SRD5A2: variants seen among roughly 807,000 people sequenced by gnomAD.
SRD5A2 encodes the protein 3-oxo-5-alpha-steroid 4-dehydrogenase 2.
In SRD5A2, 30 loss-of-function variants were observed where a neutral mutation model predicts 27.4. The ratio of observed to expected loss-of-function variants is 1.10; its 90% CI spans 0.82 to 1.49. SRD5A2 has a LOEUF of 1.49. Among genes scored for constraint, SRD5A2 ranks in the 40% most tolerant of loss-of-function variants. The pLI is 0.00. For synonymous variants in SRD5A2, 141 were observed against 133.6 expected, an observed-to-expected ratio of 1.06 and a Z score of -0.38; for missense variants, 348 against 323.4, an observed-to-expected ratio of 1.08 and a Z score of -0.58.
At chr2:31,599,944 A>G in the SRD5A2 span, among the ~76,000 whole-genome samples, 181 of 53,144 alleles carry the variant, frequency 3.4e-3, 4 homozygotes, top group East Asian at 0.064. Context: ...TATTAAGCCT[A>G]CTACCCATTA....
upstream of SRD5A2, chr2:31,580,992 C>A (rs1243724918): frequency 5.0e-6 from 7 of 1,390,354 alleles, no homozygotes; most frequent in Non-Finnish European, 6.7e-6. Context: ...CCACCCGTGT[C>A]CGCCCCCTCG....
At chr2:31,608,100 G>T in the SRD5A2 span, among the ~76,000 whole-genome samples, 1 of 151,970 alleles carries the variant, frequency 6.6e-6, no homozygotes, top group Non-Finnish European at 1.5e-5. Flanking sequence ...CCAGCCTATA[G>T]TATTCCATTA....
chr2:31,637,775 C>T, the SRD5A2 span, among the ~76,000 whole-genome samples: 1 of 152,026 alleles, frequency 6.6e-6, no homozygotes, highest in Admixed American at 6.6e-5. Context: ...TGGGGTTTGA[C>T]TGCATCAGTT....
chr2:31,599,828 G>C, the SRD5A2 span, among the ~76,000 whole-genome samples: 4 of 151,586 alleles, frequency 2.6e-5, no homozygotes, highest in Admixed American at 2.6e-4. Flanking sequence ...CAATGTAAAA[G>C]ATTTTTTTCT....
Position 31,542,739 on chromosome 2 carries a change from G to A in SRD5A2, c.282-8973C>T, listed in dbSNP as rs72866095. Reference sequence around the variant, plus strand: ...AAGATAAGGCAATGGAAATCATCAAGTCTGAGGAACAAAAAGAAAACAAAA... The same window carrying A: ...AAGATAAGGCAATGGAAATCATCAAATCTGAGGAACAAAAAGAAAACAAAA... On this transcript the variant is annotated intron_variant, in intron 1 of 4. Coordinates refer to ENST00000622030, the MANE Select transcript of SRD5A2 (RefSeq NM_000348.4). 8.1e-3 allele frequency among the ~76,000 whole-genome samples: 1,240 copies of A among 152,158 alleles called. 12 individuals carry two copies. The highest frequency in any genetic ancestry group is 0.011 in the Non-Finnish European group (768 of 68,004).
the SRD5A2 span, among the ~76,000 whole-genome samples, chr2:31,633,243 C>T: frequency 6.6e-6 from 1 of 152,148 alleles, no homozygotes; most frequent in Non-Finnish European, 1.5e-5. Context: ...GGATGGCTAG[C>T]CACTGAAGAA....
intron 1 of SRD5A2, among the ~76,000 whole-genome samples, chr2:31,539,368 A>G (rs753829395): frequency 2.6e-5 from 4 of 152,238 alleles, no homozygotes; most frequent in Admixed American, 6.5e-5. Flanking sequence ...AAAAACCAGA[A>G]AGACAAAAAC....
At chr2:31,566,616 C>A (rs1330121468) in intron 1 of SRD5A2, among the ~76,000 whole-genome samples, 1 of 152,162 alleles carries the variant, frequency 6.6e-6, no homozygotes, top group African/African-American at 2.4e-5. Flanking sequence ...GGATCATCAA[C>A]ATCTTGATAC....
chr2:31,632,765 C>T, the SRD5A2 span, among the ~76,000 whole-genome samples: 1 of 152,122 alleles, frequency 6.6e-6, no homozygotes, highest in East Asian at 1.9e-4. Flanking sequence ...TCTAATTATA[C>T]CTGAAAACCC....
At chr2:31,579,169 GTTC>G (rs1667018419) in intron 1 of SRD5A2, among the ~76,000 whole-genome samples, 1 of 152,170 alleles carries the variant, frequency 6.6e-6, no homozygotes, top group Admixed American at 6.5e-5. Flanking sequence ...ATACAGTTTA[GTTC>G]TTATTACTTG....
At chr2:31,532,843 C>A (rs2148066277) in intron 2 of SRD5A2, among the ~76,000 whole-genome samples, 1 of 152,140 alleles carries the variant, frequency 6.6e-6, no homozygotes, top group South Asian at 2.1e-4. Context: ...GCAGTGTCTT[C>A]AACCATTTTA....
At position 31,525,791 on chromosome 2, in the gene SRD5A2, C is replaced by T. The variant is rs187118139; in HGVS notation, c.*405G>A. ...TCTGTTACATGTATAAAATGCATAC[C>T]TTTAATAAGGTCTATAAGTACTGCC... is the stretch of plus-strand genomic sequence containing the variant. On this transcript the variant is annotated 3_prime_UTR_variant, in exon 5 of 5. Coordinates refer to ENST00000622030, the MANE Select transcript of SRD5A2 (RefSeq NM_000348.4). 8.6e-6 allele frequency: 2 copies of T among 233,656 alleles called. No homozygotes were observed. The highest frequency in any genetic ancestry group is 4.4e-5 in the African/African-American group (2 of 45,264). The allele number at this position is 233,656 out of a possible 1,614,324, so 14.5% of individuals were successfully genotyped here.
intron 1 of SRD5A2, among the ~76,000 whole-genome samples, chr2:31,568,079 G>C (rs1053097731): frequency 6.6e-6 from 1 of 152,204 alleles, no homozygotes; most frequent in Non-Finnish European, 1.5e-5. Flanking sequence ...TGTACCCCAA[G>C]TGGCTTCCAC....
the SRD5A2 span, among the ~76,000 whole-genome samples, chr2:31,594,666 C>CA: frequency 1.3e-4 from 20 of 151,974 alleles, no homozygotes; most frequent in East Asian, 3.9e-3. Flanking sequence ...AGAAAGTCAA[C>CA]AAAAAAACAG....
the SRD5A2 span, among the ~76,000 whole-genome samples, chr2:31,653,199 G>T: frequency 6.6e-6 from 1 of 152,006 alleles, no homozygotes; most frequent in African/African-American, 2.4e-5. Context: ...GTTTCCTCTT[G>T]TAAGACCAGA....
At chr2:31,561,231 A>G (rs1666616950) in intron 1 of SRD5A2, among the ~76,000 whole-genome samples, 1 of 152,158 alleles carries the variant, frequency 6.6e-6, no homozygotes, top group Non-Finnish European at 1.5e-5. Flanking sequence ...GGCCTCCAGT[A>G]TTTACAGTGT....
the SRD5A2 span, among the ~76,000 whole-genome samples, chr2:31,654,005 G>A: frequency 2.3e-4 from 35 of 151,580 alleles, no homozygotes; most frequent in South Asian, 7.3e-3. Flanking sequence ...TCAATCTCCA[G>A]AATATGTATA....
At position 31,525,936 on chromosome 2, in the gene SRD5A2, C is replaced by A; in HGVS notation, c.*260G>T. The stretch of plus-strand genomic sequence containing the variant: ...AGGAGAAGTTTGTACTTTCTCAGAG[C>A]AATAGCTAAGAAGCAACTGTCGCCA... On this transcript the variant is annotated 3_prime_UTR_variant, in exon 5 of 5. Transcript: ENST00000622030. 1 of 384,770 alleles carries A rather than the reference C, an allele frequency of 2.6e-6. No homozygotes were observed. The highest frequency in any genetic ancestry group is 4.7e-6 in the Non-Finnish European group (1 of 212,614). 23.8% of individuals were successfully genotyped at this position (384,770 alleles called of 1,614,324 possible). A position where few individuals can be genotyped will look rare whatever the true frequency, so the allele number is the denominator to read the frequency against.
At chr2:31,623,361 G>A in the SRD5A2 span, among the ~76,000 whole-genome samples, 1 of 152,138 alleles carries the variant, frequency 6.6e-6, no homozygotes, top group South Asian at 2.1e-4. Context: ...GCATTAAAAT[G>A]ATATATAACA....
Sources: allele counts gnomAD v4.1 joint callset (sites outside exome capture counted in the v4.1 genomes callset), GRCh38; gene constraint gnomAD v4.1.1; transcripts MANE v1.5; gene names NCBI Gene and HGNC (gene_info 2026-07-23, HGNC 2026-07-21).